Variants in VRK1 observed in about 807,000 individuals in gnomAD.
VRK1 encodes serine/threonine-protein kinase VRK1.
VRK1 carries 33 observed loss-of-function variants against 57.1 expected under a neutral mutation model. That is an observed-to-expected ratio of 0.58 (90% confidence interval 0.44 to 0.77). The LOEUF is 0.77. Ranked by LOEUF, VRK1 falls within the 30% of genes least tolerant of loss-of-function variation. The pLI is 0.00. For missense variants in VRK1, 413 were observed against 477.3 expected (o/e 0.87, Z 1.25); for synonymous variants, 137 against 147.8 (o/e 0.93, Z 0.53).
At chr14:96,818,535 A>G (rs896545230) in intron 1 of VRK1, among the ~76,000 whole-genome samples, 5 of 152,116 alleles carry the variant, frequency 3.3e-5, no homozygotes, top group African/African-American at 9.7e-5. Context: ...AGTTTAGCTT[A>G]ATGTTTTTCA....
intron 10 of VRK1, among the ~76,000 whole-genome samples, chr14:96,858,162 T>A (rs865916368): frequency 6.6e-5 from 10 of 152,212 alleles, no homozygotes; most frequent in Middle Eastern, 3.4e-3. Flanking sequence ...CTTGACCTCC[T>A]GAGCTCAAAG....
At chr14:96,801,236 G>A (rs1236833553) in intron 1 of VRK1, among the ~76,000 whole-genome samples, 2 of 152,200 alleles carry the variant, frequency 1.3e-5, no homozygotes, top group African/African-American at 4.8e-5. Flanking sequence ...AAACCATGAA[G>A]TTAGACATAG....
chr14:96,847,892 G>C (rs186214233), intron 5 of VRK1, among the ~76,000 whole-genome samples: 1 of 152,278 alleles, frequency 6.6e-6, no homozygotes, highest in African/African-American at 2.4e-5. Flanking sequence ...ACGTGTCTTA[G>C]GAGTTCAGAG....
At chr14:96,848,337 TTC>T (rs1246978441) in intron 5 of VRK1, among the ~76,000 whole-genome samples, 1 of 152,178 alleles carries the variant, frequency 6.6e-6, no homozygotes, top group African/African-American at 2.4e-5. Context: ...GTGGCAGACT[TTC>T]TCTCACGTTT....
intron 1 of VRK1, among the ~76,000 whole-genome samples, chr14:96,811,015 CG>C (rs1011898446): frequency 6.6e-6 from 1 of 151,862 alleles, no homozygotes; most frequent in African/African-American, 2.4e-5. Context: ...CTGCAACCTC[CG>C]CCTCCTGGGT....
chr14:96,877,407 G>A lies in VRK1; in HGVS notation c.1159+1287G>A, dbSNP rs540783601. ...TATAACTTCACACTGAAGGCGAGAG[G>A]TTTTGAAGTAGTCCCTCTCTTTTTC... On this transcript the variant is annotated intron_variant, in intron 12 of 12. Transcript: ENST00000216639. 1.8e-5 allele frequency: 17 copies of A among 926,942 alleles called. No homozygotes were observed. In the East Asian group the frequency reaches 1.0e-3, roughly 57 times the overall value. The allele number at this position is 926,942 out of a possible 1,614,324, so 57.4% of individuals were successfully genotyped here. A position where few individuals can be genotyped will look rare whatever the true frequency, so the allele number is the denominator to read the frequency against.
At chr14:96,840,361 T>A (rs181236742) in intron 3 of VRK1, among the ~76,000 whole-genome samples, 4 of 152,334 alleles carry the variant, frequency 2.6e-5, no homozygotes, top group African/African-American at 9.6e-5. Flanking sequence ...GGGTCCCAGC[T>A]ATTCCCTCGT....
intron 4 of VRK1, 89 bp from the exon 5 acceptor site, chr14:96,847,168 T>G (rs1181202972): frequency 2.0e-6 from 2 of 980,060 alleles, no homozygotes; most frequent in Non-Finnish European, 1.6e-6. Flanking sequence ...TTATTGCATG[T>G]ATAAATACAT....
intron 11 of VRK1, among the ~76,000 whole-genome samples, chr14:96,872,933 A>G (rs941365904): frequency 2.6e-5 from 4 of 152,190 alleles, no homozygotes; most frequent in African/African-American, 9.7e-5. Flanking sequence ...CAGTGTTTAG[A>G]ACAAAGAACT....
chr14:96,825,305 G>T (rs531096837), intron 1 of VRK1, among the ~76,000 whole-genome samples: 1 of 152,276 alleles, frequency 6.6e-6, no homozygotes, highest in South Asian at 2.1e-4. Flanking sequence ...TTAGGAAGGG[G>T]AATTAGAGTT....
intron 1 of VRK1, among the ~76,000 whole-genome samples, chr14:96,822,779 A>G (rs1886651985): frequency 6.6e-6 from 1 of 152,142 alleles, no homozygotes; most frequent in Admixed American, 6.5e-5. Context: ...GCAAGTTCCA[A>G]ACCTTGTAGA....
intron 1 of VRK1, among the ~76,000 whole-genome samples, chr14:96,810,475 ATTTG>A (rs955226417): frequency 2.7e-4 from 41 of 152,212 alleles, no homozygotes; most frequent in African/African-American, 9.2e-4. Flanking sequence ...GTCCCCAGGA[ATTTG>A]TTTGTGTGTT....
intron 1 of VRK1, among the ~76,000 whole-genome samples, chr14:96,800,436 C>A (rs1040571054): frequency 6.6e-6 from 1 of 152,090 alleles, no homozygotes; most frequent in Non-Finnish European, 1.5e-5. Context: ...GAAAAGCTCT[C>A]TAGAAAATCT....
chr14:96,872,964 T>C (rs1888883175), intron 11 of VRK1, among the ~76,000 whole-genome samples: 1 of 152,204 alleles, frequency 6.6e-6, no homozygotes, highest in Admixed American at 6.5e-5. Flanking sequence ...CTGTGTTCTA[T>C]AGCACATATG....
chr14:96,840,054 C>T (rs1005192274), intron 3 of VRK1, among the ~76,000 whole-genome samples: 2 of 152,164 alleles, frequency 1.3e-5, no homozygotes, highest in African/African-American at 2.4e-5. Context: ...ATTGGTCTTT[C>T]GTTTTTTTCC....
intron 1 of VRK1, among the ~76,000 whole-genome samples, chr14:96,826,901 G>T (rs1427655370): frequency 6.6e-6 from 1 of 152,194 alleles, no homozygotes; most frequent in Non-Finnish European, 1.5e-5. Context: ...AAACTGAGAA[G>T]CTTCTGTAGC....
At chr14:96,826,000 G>A (rs1886787276) in intron 1 of VRK1, among the ~76,000 whole-genome samples, 1 of 152,076 alleles carries the variant, frequency 6.6e-6, no homozygotes, top group Non-Finnish European at 1.5e-5. Flanking sequence ...AAGTGTAAGT[G>A]TCATTGTTGT....
At chr14:96,840,705 A>G (rs1188797163) in intron 3 of VRK1, among the ~76,000 whole-genome samples, 1 of 152,204 alleles carries the variant, frequency 6.6e-6, no homozygotes, top group East Asian at 1.9e-4. Context: ...CTGACGTCTC[A>G]TAACGTTGAG....
At chr14:96,878,177 A>T (rs986935396) in intron 12 of VRK1, among the ~76,000 whole-genome samples, 1 of 152,236 alleles carries the variant, frequency 6.6e-6, no homozygotes, top group African/African-American at 2.4e-5. Context: ...AAGTGAGAGA[A>T]ATATTATCTG....
Sources: gnomAD v4.1 joint callset for allele counts (sites outside exome capture counted in the v4.1 genomes callset) on GRCh38, gnomAD v4.1.1 for gene constraint, MANE v1.5 for transcripts, NCBI Gene and HGNC (gene_info 2026-07-23, HGNC 2026-07-21) for gene names.